The following WDR12 variants were observed in gnomAD, a reference collection of about 807,000 sequenced individuals.
The protein encoded by WDR12 is ribosome biogenesis protein WDR12.
A neutral mutation model predicts 64.3 loss-of-function variants in WDR12; 42 were observed. The ratio of observed to expected loss-of-function variants is 0.65; its 90% confidence interval spans 0.51 to 0.84. The LOEUF (loss-of-function observed/expected upper bound fraction) is 0.84. Among genes scored for constraint, WDR12 ranks in the 40% least tolerant of loss-of-function variants. WDR12 has a pLI of 0.00. For synonymous variants in WDR12, 158 were observed against 173.3 expected, an observed-to-expected ratio of 0.91 and a Z score of 0.70; for missense variants, 469 against 494.6, an observed-to-expected ratio of 0.95 and a Z score of 0.49.
chr2:202,892,585 G>T (rs1296022629), intron 8 of WDR12, 32 bp downstream of exon 8: 3 of 1,514,988 alleles, frequency 2.0e-6, no homozygotes, highest in Non-Finnish European at 2.7e-6. Context: ...ACAGGCCTAA[G>T]GCAAGTACAG....
Position 202,911,439 on chromosome 2 carries a change from T to C in WDR12, c.38A>G (p.Lys13Arg). The C allele has an allele frequency of 1.9e-6, 3 of 1,614,152 alleles. No individual in the cohort carries two copies. The highest frequency in any genetic ancestry group is 2.5e-6 in the Non-Finnish European group (3 of 1,180,004). ...GAAGGCTGGAACGCTTACTTACTTC[T>C]TGTTATCAGTGTAGAAGCGTGTTTG... ...QLQTRFYTDN[K>R]KYAVDDVPFS... Residue 13 changes from lysine to arginine, a missense_variant, in exon 1 of 13, where the codon AAG (lysine) becomes AGG (arginine). Coordinates refer to ENST00000261015, the MANE Select transcript of WDR12 (RefSeq NM_018256.4).
Position 202,877,054 on chromosome 2 carries a change from CTG to C in WDR12, c.*3804_*3805del, listed in dbSNP as rs1175579180. On this transcript the variant is annotated 3_prime_UTR_variant, in exon 13 of 13. Transcript: ENST00000261015. Reference sequence around the variant, plus strand: ...TACGATACATCAAAAGAATTTTAGACTGTGTGAACAGATTTCAATGTTATTAT... The same window carrying C: ...TACGATACATCAAAAGAATTTTAGACTGTGAACAGATTTCAATGTTATTAT... 3 of 151,338 alleles carry C rather than the reference CTG, an allele frequency of 2.0e-5. No individual in the cohort carries two copies. Among genetic ancestry groups the C allele is most frequent in the African/African-American group, 7.3e-5 (3 of 41,258 alleles). 9.4% of individuals were successfully genotyped at this position (151,338 alleles called of 1,614,324 possible).
Position 202,879,176 on chromosome 2 carries a change from A to G in WDR12, c.*1684T>C, listed in dbSNP as rs1299284709. 2 of 151,808 alleles carry G rather than the reference A, an allele frequency of 1.3e-5. No individual in the cohort carries two copies. The highest frequency in any genetic ancestry group is 2.9e-5 in the Non-Finnish European group (2 of 67,978). The allele number at this position is 151,808 out of a possible 1,614,324, so 9.4% of individuals were successfully genotyped here. Reference sequence around the variant, plus strand: ...CTCCGGAGTAGCTGGGACTACAGGCACATGCTGCCACGCCCAGCTAATTTT... The same window carrying G: ...CTCCGGAGTAGCTGGGACTACAGGCGCATGCTGCCACGCCCAGCTAATTTT... On this transcript the variant is annotated 3_prime_UTR_variant, in exon 13 of 13. Transcript: ENST00000261015.
chr2:202,907,553 C>G (rs1688480759), intron 2 of WDR12, among the ~76,000 whole-genome samples: 1 of 152,060 alleles, frequency 6.6e-6, no homozygotes, highest in Non-Finnish European at 1.5e-5. Flanking sequence ...ATAACTCAGC[C>G]CTCTGTAGAA....
chr2:202,895,679 T>A (rs1559161466), intron 6 of WDR12, among the ~76,000 whole-genome samples: 3 of 135,266 alleles, frequency 2.2e-5, no homozygotes, highest in African/African-American at 8.1e-5. Context: ...TGCGCCACCA[T>A]GCCCGGCTTA....
chr2:202,882,878 T>A, intron 11 of WDR12, 95 bp from the exon 12 acceptor site: 1 of 1,206,170 alleles, frequency 8.3e-7, no homozygotes. Context: ...CTTTACAGGG[T>A]TTACCAACCT....
intron 4 of WDR12, among the ~76,000 whole-genome samples, chr2:202,898,090 A>C (rs1688285220): frequency 6.6e-6 from 1 of 150,878 alleles, no homozygotes; most frequent in South Asian, 2.1e-4. Flanking sequence ...CCCAAAAAAA[A>C]TCCTACATCC....
chr2:202,884,469 C>T lies in WDR12; in HGVS notation c.808G>A (p.Glu270Lys). 1.9e-6 allele frequency: 3 copies of T among 1,614,210 alleles called. No individual in the cohort carries two copies. The highest frequency in any genetic ancestry group is 1.7e-6 in the Non-Finnish European group (2 of 1,180,034). The change falls in exon 9 of 13, where the codon GAA becomes AAA. Residue 270 changes from glutamate to lysine, a missense_variant. Coordinates refer to ENST00000261015, the MANE Select transcript of WDR12 (RefSeq NM_018256.4). ...VSSVLWSDAE[E>K]ICSASWDHTI... ...TGGTCCCAAGATGCACTGCAGATTT[C>T]TTCAGCATCTGACCACAGAACTGAG...
At position 202,888,669 on chromosome 2, in the gene WDR12, G is replaced by T. The variant is rs547059151; in HGVS notation, c.741+3948C>A. The stretch of plus-strand genomic sequence containing the variant: ...ATGCAAAGAGAAGATACCTATTTTT[G>T]ATATGTTTTTTCTCTTTTTTCTATT... On this transcript the variant is annotated intron_variant, in intron 8 of 12. Coordinates refer to ENST00000261015, the MANE Select transcript of WDR12 (RefSeq NM_018256.4). 2.2e-4 allele frequency among the ~76,000 whole-genome samples: 34 copies of T among 152,200 alleles called. 2 individuals carry two copies. In the South Asian group the frequency reaches 3.1e-3, roughly 14 times the overall value.
rs780864830 is a variant in WDR12, at chr2:202,896,070, T to C, written c.604A>G (p.Thr202Ala). 7.4e-6 allele frequency: 12 copies of C among 1,611,430 alleles called. No homozygotes were observed. The South Asian group carries it at 1.1e-4, about 15-fold the overall frequency. ...ATAATATTCTAGCTACTTACTTTAG[T>C]TCCTGAGCCATCAACAGCTATAGAA... is the stretch of plus-strand genomic sequence containing the variant. ...VDSIAVDGSG[T>A]KFCSGSWDKM... is the part of the protein sequence containing the mutation. Residue 202 changes from threonine to alanine, a missense_variant, in exon 6 of 13, where the codon ACT (threonine) becomes GCT (alanine). Thr to Ala is a moderately conservative substitution (Grantham distance 58). Coordinates refer to ENST00000261015, the MANE Select transcript of WDR12 (RefSeq NM_018256.4).
rs899301851 is a variant in WDR12 at position 202,877,191 on chromosome 2, A to G, written c.*3669T>C. 6.6e-6 allele frequency: 1 copy of G among 151,734 alleles called. No homozygotes were observed. Among genetic ancestry groups the G allele is most frequent in the African/African-American group, 2.4e-5 (1 of 41,344 alleles). The allele number at this position is 151,734 out of a possible 1,614,324, so 9.4% of individuals were successfully genotyped here. ...TAAACTTTTGTTTGTTCTTTCTCCA[A>G]TAATATACTAGGAAGCATTCTGATA... On this transcript the variant is annotated 3_prime_UTR_variant, in exon 13 of 13. Transcript: ENST00000261015.
chr2:202,900,418 A>G (rs866411263), intron 3 of WDR12, among the ~76,000 whole-genome samples: 2 of 152,120 alleles, frequency 1.3e-5, no homozygotes, highest in South Asian at 4.1e-4. Context: ...TCTGTTTAGG[A>G]TAAGGAAACA....
At chr2:202,899,409 G>T in intron 4 of WDR12, 122 bp downstream of exon 4, 1 of 849,000 alleles carries the variant, frequency 1.2e-6, no homozygotes, top group Non-Finnish European at 1.8e-6. Context: ...CTGATACAGA[G>T]ATCACAAAAT....
At position 202,907,891 on chromosome 2, in the gene WDR12, A is replaced by G. The variant is rs1373356695; in HGVS notation, c.110T>C (p.Ile37Thr). ...ATTTTTGTCCTTTAGTAGTTTATTG[A>G]TGATGTTACTAAGGTCGGCAATTTC... ...ASEIADLSNI[I>T]NKLLKDKNEF... The change falls in exon 2 of 13, where the codon ATC becomes ACC. Residue 37 changes from isoleucine to threonine, a missense_variant. By Grantham distance (89) the Ile-to-Thr change is moderately conservative. Transcript: ENST00000261015. 6.2e-7 allele frequency: 1 copy of G among 1,613,882 alleles called. No individual in the cohort carries two copies. The highest frequency in any genetic ancestry group is 8.5e-7 in the Non-Finnish European group (1 of 1,179,940).
In WDR12 at chr2:202,897,401, G is replaced by T. The variant is rs775862914; in HGVS notation, c.353C>A (p.Ser118Tyr). 5 of 1,570,240 alleles carry T rather than the reference G, an allele frequency of 3.2e-6. No individual in the cohort carries two copies. In the Middle Eastern group the frequency reaches 8.4e-4, roughly 264 times the overall value. The change falls in exon 5 of 13, where the codon TCT (serine) becomes TAT (tyrosine). Residue 118 changes from serine to tyrosine, a missense_variant. Physicochemically the swap from Ser to Tyr is moderately radical, Grantham distance 144 (BLOSUM62 -2). Transcript: ENST00000261015. The part of the protein sequence containing the change: ...KGAEEWILTG[S>Y]YDKTSRIWSL... ...CCAGATCCGAGAAGTCTTATCATAA[G>T]AACCAGTCAAGATCCTATGAGAAAA...
At chr2:202,885,013 A>G (rs1411412170) in intron 8 of WDR12, among the ~76,000 whole-genome samples, 2 of 152,218 alleles carry the variant, frequency 1.3e-5, no homozygotes, top group Non-Finnish European at 2.9e-5. Flanking sequence ...TTCTGGGAAT[A>G]TAACATCCTG....
At chr2:202,906,868 A>T (rs1022504792) in intron 2 of WDR12, among the ~76,000 whole-genome samples, 23 of 152,182 alleles carry the variant, frequency 1.5e-4, no homozygotes, top group Admixed American at 4.6e-4. Flanking sequence ...TTTCATACAT[A>T]TGGAAAAGTT....
chr2:202,911,345 G>A, intron 1 of WDR12, 91 bp downstream of exon 1: 1 of 1,281,328 alleles, frequency 7.8e-7, no homozygotes, highest in Non-Finnish European at 1.1e-6. Flanking sequence ...GGGGGTGACA[G>A]CAGAAACAAC....
chr2:202,890,189 A>G (rs1333069317), intron 8 of WDR12, among the ~76,000 whole-genome samples: 2 of 152,160 alleles, frequency 1.3e-5, no homozygotes, highest in Non-Finnish European at 2.9e-5. Context: ...TGATCAGGCC[A>G]CTGTACTCCA....
Sources: allele counts gnomAD v4.1 joint callset (sites outside exome capture counted in the v4.1 genomes callset), GRCh38; gene constraint gnomAD v4.1.1; transcripts MANE v1.5; gene names NCBI Gene and HGNC (gene_info 2026-07-23, HGNC 2026-07-21).